The following FCRL4 variants were observed in gnomAD, a reference collection of about 807,000 sequenced individuals.
FCRL4 encodes Fc receptor like 4.
FCRL4 carries 43 observed loss-of-function variants against 64.1 expected under a neutral mutation model. The observed-to-expected ratio is 0.67, with a 90% CI of 0.53 to 0.87. The LOEUF (loss-of-function observed/expected upper bound fraction) is 0.87. Ranked by LOEUF, FCRL4 falls within the 40% of genes least tolerant of loss-of-function variation. FCRL4 has a pLI of 0.00. For synonymous variants in FCRL4, 253 were observed against 239.8 expected (o/e 1.05, Z -0.51); for missense variants, 656 against 613.5 (o/e 1.07, Z -0.73).
At position 157,589,282 on chromosome 1, in the gene FCRL4, C is replaced by A. The variant is rs769816958; in HGVS notation, c.229G>T (p.Val77Phe). The A allele has an allele frequency of 5.0e-6, 8 of 1,614,204 alleles. No individual in the cohort carries two copies. Among genetic ancestry groups the A allele is most frequent in the Non-Finnish European group, 5.9e-6 (7 of 1,180,044 alleles). ...CATCTGTACAGTCCAGATTCCCGAA[C>A]CTCGAGGGTGTTTCCTGGGGTCAGG... is the stretch of plus-strand genomic sequence containing the variant. ...LTLTPGNTLE[V>F]RESGLYRCQA... The change falls in exon 3 of 12, where the codon GTT (valine) becomes TTT (phenylalanine). Residue 77 changes from valine to phenylalanine, a missense_variant. Transcript: ENST00000271532.
chr1:157,586,476 A>G (rs1652698640), intron 5 of FCRL4, 21 bp from the exon 6 acceptor site: 2 of 1,588,320 alleles, frequency 1.3e-6, no homozygotes, highest in Non-Finnish European at 1.7e-6. Context: ...ATGAGACCAC[A>G]GGTGGGGGTC....
intron 6 of FCRL4, among the ~76,000 whole-genome samples, chr1:157,583,320 C>T (rs548457510): frequency 3.4e-4 from 51 of 152,150 alleles, no homozygotes; most frequent in African/African-American, 1.2e-3. Context: ...GCTTAGAGGA[C>T]ACCTCCATAG....
intron 5 of FCRL4, 138 bp from the exon 6 acceptor site, chr1:157,586,593 A>C (rs779713647): frequency 1.0e-5 from 7 of 699,452 alleles, no homozygotes; most frequent in Non-Finnish European, 1.7e-5. Context: ...TGGCCAATAG[A>C]CCACAGATTT....
At chr1:157,589,896 T>C (rs1333490109) in intron 2 of FCRL4, among the ~76,000 whole-genome samples, 1 of 152,186 alleles carries the variant, frequency 6.6e-6, no homozygotes, top group African/African-American at 2.4e-5. Flanking sequence ...CTTTGGCATA[T>C]GGATTATTTT....
intron 6 of FCRL4, 86 bp downstream of exon 6, chr1:157,586,082 A>G: frequency 7.6e-7 from 1 of 1,314,678 alleles, no homozygotes; most frequent in Non-Finnish European, 1.0e-6. Context: ...GAAACAGCAG[A>G]GTCACAGGGT....
chr1:157,597,788 T>C (rs1249741217), intron 1 of FCRL4, 126 bp downstream of exon 1: 2 of 641,074 alleles, frequency 3.1e-6, no homozygotes, highest in Non-Finnish European at 5.5e-6. Flanking sequence ...ATCTTTCCTT[T>C]TTGTTCATTT....
intron 1 of FCRL4, 53 bp downstream of exon 1, chr1:157,597,860 CT>C (rs1179546170): frequency 2.0e-6 from 3 of 1,518,602 alleles, no homozygotes; most frequent in Non-Finnish European, 2.7e-6. Flanking sequence ...AGGGCTTTTG[CT>C]CATGGTGAGG....
At chr1:157,594,408 C>A (rs1165705611) in intron 2 of FCRL4, among the ~76,000 whole-genome samples, 1 of 152,194 alleles carries the variant, frequency 6.6e-6, no homozygotes, top group Non-Finnish European at 1.5e-5. Context: ...CCATTTTCTG[C>A]CTTGAACAAA....
intron 6 of FCRL4, among the ~76,000 whole-genome samples, chr1:157,585,565 T>A (rs893940701): frequency 5.9e-5 from 9 of 151,970 alleles, no homozygotes; most frequent in African/African-American, 2.2e-4. Context: ...GAGGAAGAGA[T>A]GTATATGAGC....
At position 157,575,075 on chromosome 1, in the gene FCRL4, A is replaced by G; in HGVS notation, c.*449T>C. 1 of 268,020 alleles carries G rather than the reference A, an allele frequency of 3.7e-6. No individual in the cohort carries two copies. The highest frequency in any genetic ancestry group is 5.6e-5 in the East Asian group (1 of 17,870). 16.6% of individuals were successfully genotyped at this position (268,020 alleles called of 1,614,324 possible). A position where few individuals can be genotyped will look rare whatever the true frequency, so the allele number is the denominator to read the frequency against. ...AGTGCCTGTGCAGCCACTCACAGTT[A>G]AACAAACTGATGCAAGTGAGTCTCC... On this transcript the variant is annotated 3_prime_UTR_variant, in exon 12 of 12. Coordinates refer to ENST00000271532, the MANE Select transcript of FCRL4 (RefSeq NM_031282.3).
chr1:157,597,710 A>G (rs1571147762), intron 1 of FCRL4, among the ~76,000 whole-genome samples: 1 of 152,304 alleles, frequency 6.6e-6, no homozygotes, highest in East Asian at 1.9e-4. Context: ...ATTCATAGCA[A>G]AAATAGATGA....
chr1:157,574,416 T>C lies in FCRL4; in HGVS notation c.*1108A>G, dbSNP rs958995612. 4.7e-6 allele frequency: 1 copy of C among 213,268 alleles called. No individual in the cohort carries two copies. Among genetic ancestry groups the C allele is most frequent in the African/African-American group, 2.3e-5 (1 of 44,298 alleles). The allele number at this position is 213,268 out of a possible 1,614,324, so 13.2% of individuals were successfully genotyped here. ...GGGCATGGATAATTTGTAGGTGGTA[T>C]TGTACACTTCCATCAGGAGACCTCT... On this transcript the variant is annotated 3_prime_UTR_variant, in exon 12 of 12. Transcript: ENST00000271532.
rs1204332304 is a variant in FCRL4 at position 157,573,757 on chromosome 1, T to G, written c.*1767A>C. 1 of 178,356 alleles carries G rather than the reference T, an allele frequency of 5.6e-6. No individual in the cohort carries two copies. Among genetic ancestry groups the G allele is most frequent in the Non-Finnish European group, 1.2e-5 (1 of 84,202 alleles). 11.0% of individuals were successfully genotyped at this position (178,356 alleles called of 1,614,324 possible). ...TTCATGTACGCCGAATTTACGTTAA[T>G]AAGCTTTAATCTAATACTTCAGTAT... On this transcript the variant is annotated 3_prime_UTR_variant, in exon 12 of 12. Transcript: ENST00000271532.
chr1:157,580,235 T>C, intron 8 of FCRL4, 86 bp downstream of exon 8: 1 of 1,417,526 alleles, frequency 7.1e-7, no homozygotes, highest in Non-Finnish European at 1.0e-6. Context: ...CAAAGAGGTA[T>C]AACTTGACCT....
intron 3 of FCRL4, among the ~76,000 whole-genome samples, chr1:157,588,953 A>C (rs1488246952): frequency 6.6e-6 from 1 of 152,134 alleles, no homozygotes; most frequent in Admixed American, 6.5e-5. Flanking sequence ...TCATTTTTGT[A>C]CTCCCTAAAA....
chr1:157,586,387 G>T lies in FCRL4; in HGVS notation c.916C>A (p.Leu306Met), dbSNP rs967722456. The change falls in exon 6 of 12, where the codon CTG (leucine) becomes ATG (methionine). Residue 306 changes from leucine to methionine, a missense_variant. Coordinates refer to ENST00000271532, the MANE Select transcript of FCRL4 (RefSeq NM_031282.3). Reference sequence around the variant, plus strand: ...TCAGCCACGGAGCAGACAAGGACCAGCATCTCCCCTTCAACAGCCTGGCCC... The same window carrying T: ...TCAGCCACGGAGCAGACAAGGACCATCATCTCCCCTTCAACAGCCTGGCCC... The part of the protein sequence containing the change: ...SGGQAVEGEM[L>M]VLVCSVAEGT... The T allele has an allele frequency of 3.7e-5, 60 of 1,613,122 alleles. No individual in the cohort carries two copies. Among genetic ancestry groups the T allele is most frequent in the Non-Finnish European group, 4.7e-5 (56 of 1,180,002 alleles).
chr1:157,578,389 T>C (rs1389249984), intron 10 of FCRL4, 85 bp downstream of exon 10: 1 of 1,126,768 alleles, frequency 8.9e-7, no homozygotes. Context: ...CTTACAAGAA[T>C]ACCTAGCACA....
In FCRL4 at chr1:157,574,254, A is replaced by G. The variant is rs1652353191; in HGVS notation, c.*1270T>C. Reference sequence around the variant, plus strand: ...TTATAGAAGCCAGGTGATTTGCCCTATAGAACTTTTTCTCAGTTTATGTTT... The same window carrying G: ...TTATAGAAGCCAGGTGATTTGCCCTGTAGAACTTTTTCTCAGTTTATGTTT... On this transcript the variant is annotated 3_prime_UTR_variant, in exon 12 of 12. Coordinates refer to ENST00000271532, the MANE Select transcript of FCRL4 (RefSeq NM_031282.3). 1 of 219,138 alleles carries G rather than the reference A, an allele frequency of 4.6e-6. No individual in the cohort carries two copies. Among genetic ancestry groups the G allele is most frequent in the African/African-American group, 2.2e-5 (1 of 44,448 alleles). The allele number at this position is 219,138 out of a possible 1,614,324, so 13.6% of individuals were successfully genotyped here.
rs748905326 is a variant in FCRL4 at position 157,578,803 on chromosome 1, C to T, written c.1327G>A (p.Ala443Thr). 1.2e-6 allele frequency: 2 copies of T among 1,613,952 alleles called. No individual in the cohort carries two copies. Among genetic ancestry groups the T allele is most frequent in the East Asian group, 2.2e-5 (1 of 44,858 alleles). The change falls in exon 9 of 12, where the codon GCC (alanine) becomes ACC (threonine). Residue 443 changes from alanine to threonine, a missense_variant. Transcript: ENST00000271532. ...PGESSHSICPAQVELQSLYVD... is the reference protein window; with the variant it reads ...PGESSHSICPTQVELQSLYVD... Reference sequence around the variant, plus strand: ...TACAACGACTGAAGCTCCACCTGGGCAGGGCAGATGGAATGGGAGGACTCT... The same window carrying T: ...TACAACGACTGAAGCTCCACCTGGGTAGGGCAGATGGAATGGGAGGACTCT...
Sources: allele counts gnomAD v4.1 joint callset (sites outside exome capture counted in the v4.1 genomes callset), GRCh38; gene constraint gnomAD v4.1.1; transcripts MANE v1.5; gene names NCBI Gene and HGNC (gene_info 2026-07-23, HGNC 2026-07-21).